Variants in NAALADL2 observed in about 807,000 individuals in gnomAD.
NAALADL2 encodes the protein inactive N-acetylated-alpha-linked acidic dipeptidase-like protein 2.
NAALADL2 carries 76 observed loss-of-function variants against 87.2 expected under a neutral mutation model. That is an observed-to-expected ratio of 0.87 (90% CI 0.72 to 1.05). The LOEUF is 1.05. NAALADL2 is among the 50% of genes least tolerant of loss of function. The pLI is 0.00. For synonymous variants in NAALADL2, 354 were observed against 331.0 expected (o/e 1.07, Z -0.75); for missense variants, 1,089 against 945.8 (o/e 1.15, Z -1.99).
At chr3:174,706,594 C>A (rs1730090876) in intron 2 of NAALADL2, among the ~76,000 whole-genome samples, 1 of 152,172 alleles carries the variant, frequency 6.6e-6, no homozygotes, top group Non-Finnish European at 1.5e-5. Context: ...GTTGCCTGTG[C>A]ACTCTGATGG....
At chr3:174,647,534 A>C (rs1161417324) in intron 2 of NAALADL2, among the ~76,000 whole-genome samples, 1 of 152,136 alleles carries the variant, frequency 6.6e-6, no homozygotes, top group African/African-American at 2.4e-5. Context: ...ATTTTATGTG[A>C]TATGCCTTTG....
chr3:175,060,362 T>C (rs1383646633), intron 1 of NAALADL2, among the ~76,000 whole-genome samples: 2 of 152,178 alleles, frequency 1.3e-5, no homozygotes, highest in Non-Finnish European at 2.9e-5. Flanking sequence ...GTTCCAAAAT[T>C]GCGGTGATAT....
chr3:174,938,377 C>A (rs1024970091), intron 1 of NAALADL2, among the ~76,000 whole-genome samples: 3 of 151,978 alleles, frequency 2.0e-5, no homozygotes, highest in African/African-American at 4.8e-5. Context: ...ATGGCTGCAT[C>A]GTATCGCATG....
In NAALADL2 at chr3:175,305,295, C is replaced by T. The variant is rs180768683; in HGVS notation, c.940-18880C>T. ...GTATGTGTATGTGTGTGTATGTGTT[C>T]TCCAAGGAACGTAATTCTCTCTCTA... On this transcript the variant is annotated intron_variant, in intron 4 of 13. Transcript: ENST00000454872. Among the ~76,000 whole-genome samples, 537 of 151,238 alleles carry T rather than the reference C, an allele frequency of 3.6e-3. 4 individuals are homozygous for T. Among genetic ancestry groups the T allele is most frequent in the Non-Finnish European group, 5.6e-3 (376 of 67,726 alleles).
chr3:174,994,605 G>A (rs1244117077), intron 1 of NAALADL2, among the ~76,000 whole-genome samples: 1 of 151,702 alleles, frequency 6.6e-6, no homozygotes, highest in African/African-American at 2.4e-5. Context: ...TATTCTTTTA[G>A]CGGTCAACAA....
intron 9 of NAALADL2, among the ~76,000 whole-genome samples, chr3:175,493,670 C>G (rs1433742567): frequency 1.3e-5 from 2 of 152,122 alleles, no homozygotes; most frequent in Admixed American, 6.6e-5. Context: ...CCTTACCAAA[C>G]ATTATTATCT....
At chr3:174,716,155 T>A (rs1731160861) in intron 2 of NAALADL2, among the ~76,000 whole-genome samples, 2 of 152,144 alleles carry the variant, frequency 1.3e-5, no homozygotes, top group South Asian at 4.1e-4. Context: ...ATATCCTTAA[T>A]TATATCATCC....
At chr3:175,318,425 G>A (rs1320623742) in intron 4 of NAALADL2, among the ~76,000 whole-genome samples, 2 of 151,890 alleles carry the variant, frequency 1.3e-5, no homozygotes, top group African/African-American at 4.8e-5. Context: ...AATTACTTTA[G>A]TAATAAAAGG....
intron 2 of NAALADL2, among the ~76,000 whole-genome samples, chr3:175,165,656 G>A (rs1451982111): frequency 6.6e-6 from 1 of 152,070 alleles, no homozygotes; most frequent in Non-Finnish European, 1.5e-5. Flanking sequence ...TTAACTTAGT[G>A]TGTGGTGCTA....
chr3:174,901,201 C>T (rs958406085), intron 1 of NAALADL2, among the ~76,000 whole-genome samples: 1 of 152,014 alleles, frequency 6.6e-6, no homozygotes, highest in African/African-American at 2.4e-5. Context: ...TTGGACTTAC[C>T]AATGATGTGG....
intron 2 of NAALADL2, among the ~76,000 whole-genome samples, chr3:174,613,551 C>G (rs574281246): frequency 3.3e-5 from 5 of 152,310 alleles, no homozygotes; most frequent in African/African-American, 1.2e-4. Context: ...AAGCCTCACC[C>G]CATGACCACT....
intron 5 of NAALADL2, among the ~76,000 whole-genome samples, chr3:175,377,551 G>C (rs902769358): frequency 2.0e-5 from 3 of 152,182 alleles, no homozygotes; most frequent in Non-Finnish European, 2.9e-5. Flanking sequence ...GACGGGGGCA[G>C]AGAAATTCTA....
chr3:175,275,735 T>A (rs1220368364), intron 4 of NAALADL2, among the ~76,000 whole-genome samples: 1 of 152,036 alleles, frequency 6.6e-6, no homozygotes, highest in African/African-American at 2.4e-5. Flanking sequence ...TGACATTTTC[T>A]AACCCTAAAA....
intron 10 of NAALADL2, among the ~76,000 whole-genome samples, chr3:175,597,176 A>G (rs1413182187): frequency 1.3e-5 from 2 of 152,032 alleles, no homozygotes; most frequent in East Asian, 3.9e-4. Flanking sequence ...AGAGGGTACA[A>G]CATATCTGAA....
At chr3:175,507,649 C>T (rs928801141) in intron 9 of NAALADL2, among the ~76,000 whole-genome samples, 1 of 152,126 alleles carries the variant, frequency 6.6e-6, no homozygotes, top group South Asian at 2.1e-4. Flanking sequence ...GTCTTGAACT[C>T]CTGACCTCAG....
chr3:175,401,606 T>C (rs1396529397), intron 5 of NAALADL2, among the ~76,000 whole-genome samples: 1 of 152,118 alleles, frequency 6.6e-6, no homozygotes, highest in East Asian at 1.9e-4. Flanking sequence ...TACAAACCTG[T>C]ACCTGTAAGA....
intron 2 of NAALADL2, among the ~76,000 whole-genome samples, chr3:174,643,727 G>T (rs1723493098): frequency 6.6e-6 from 1 of 152,090 alleles, no homozygotes. Context: ...TGAGCATGCA[G>T]AATCAAAATT....
chr3:174,900,028 T>C (rs1211908081), intron 1 of NAALADL2, among the ~76,000 whole-genome samples: 1 of 152,092 alleles, frequency 6.6e-6, no homozygotes, highest in Non-Finnish European at 1.5e-5. Flanking sequence ...AATATTTGTT[T>C]AGAAGTTTGG....
chr3:175,580,871 C>T (rs546980135), intron 10 of NAALADL2, among the ~76,000 whole-genome samples: 2 of 152,046 alleles, frequency 1.3e-5, no homozygotes, highest in Middle Eastern at 6.8e-3. Flanking sequence ...TCCATTTACC[C>T]TCAAAAGTAC....
Sources: allele counts gnomAD v4.1 joint callset (sites outside exome capture counted in the v4.1 genomes callset), GRCh38; gene constraint gnomAD v4.1.1; transcripts MANE v1.5; gene names NCBI Gene and HGNC (gene_info 2026-07-23, HGNC 2026-07-21).